The following MAP4K1 variants were observed in gnomAD, a reference collection of about 807,000 sequenced individuals.
MAP4K1 encodes the protein mitogen-activated protein kinase kinase kinase kinase 1.
In MAP4K1, 35 loss-of-function variants were observed where a neutral mutation model predicts 122.8. The observed-to-expected ratio is 0.29, with a 90% CI of 0.22 to 0.38. MAP4K1 has a LOEUF of 0.38. MAP4K1 is among the 10% of genes least tolerant of loss of function. MAP4K1 has a pLI of 1.00. For synonymous variants in MAP4K1, 412 were observed against 421.3 expected (o/e 0.98, Z 0.27); for missense variants, 791 against 1,072.6 (o/e 0.74, Z 3.67).
At chr19:38,590,417 ATATATATATATATATATAT>A (rs1974691294) in intron 30 of MAP4K1, among the ~76,000 whole-genome samples, 3 of 98,568 alleles carry the variant, frequency 3.0e-5, no homozygotes, top group African/African-American at 1.1e-4. Context: ...ATATATATAT[ATATATATATATATATATAT>A]AATCACGGGC....
intron 4 of MAP4K1, among the ~76,000 whole-genome samples, chr19:38,615,325 A>T (rs552936492): frequency 2.0e-5 from 3 of 152,042 alleles, no homozygotes; most frequent in Non-Finnish European, 4.4e-5. Flanking sequence ...AGAGAAATGG[A>T]AGCTGTAGGA....
At chr19:38,611,360 A>C in intron 9 of MAP4K1, 55 bp from the exon 10 acceptor site, 6 of 1,212,998 alleles carry the variant, frequency 4.9e-6, no homozygotes, top group Non-Finnish European at 7.4e-6. Flanking sequence ...GCCAGACCTC[A>C]TGGCTTGAGG....
Position 38,605,736 on chromosome 19 carries a change from G to A in MAP4K1, c.1201-6C>T. The A allele has an allele frequency of 1.2e-6, 2 of 1,603,754 alleles. No homozygotes were observed. The highest frequency in any genetic ancestry group is 2.7e-5 in the African/African-American group (2 of 74,316). ...GATGGAGAACGGAACTTGGGCTTTG[G>A]AGACGGGAATGGAGCGTGGGGAAAT... is the stretch of plus-strand genomic sequence containing the variant. On this transcript the variant is annotated splice_region_variant and splice_polypyrimidine_tract_variant and intron_variant, in intron 17 of 30. Transcript: ENST00000396857.
In MAP4K1 at chr19:38,604,789, CA is replaced by C. The variant is rs112047872; in HGVS notation, c.1446+619del. Among the ~76,000 whole-genome samples, 990 of 109,408 alleles carry C rather than the reference CA, an allele frequency of 9.0e-3. 1 individual carries two copies. Among genetic ancestry groups the C allele is most frequent in the African/African-American group, 0.02 (584 of 28,832 alleles). 71.8% of individuals were successfully genotyped at this position (109,408 alleles called of 152,430 possible). ...TGGGTGACACAGTGAGACTCTGTCT[CA>C]AAAAAAAAAAAGCATGCCAGACGCG... On this transcript the variant is annotated intron_variant, in intron 19 of 30. Transcript: ENST00000396857.
At chr19:38,608,606 G>T (rs1975399322) in intron 13 of MAP4K1, among the ~76,000 whole-genome samples, 1 of 151,796 alleles carries the variant, frequency 6.6e-6, no homozygotes, top group Non-Finnish European at 1.5e-5. Flanking sequence ...GATCAGCCTG[G>T]TCAACATGGT....
At chr19:38,606,684 C>T (rs1676823048) in intron 16 of MAP4K1, among the ~76,000 whole-genome samples, 1 of 151,706 alleles carries the variant, frequency 6.6e-6, no homozygotes, top group African/African-American at 2.4e-5. Context: ...TGGCAAGACC[C>T]CATCCTACAA....
chr19:38,602,938 A>G (rs1354499666), intron 19 of MAP4K1, among the ~76,000 whole-genome samples: 2 of 145,730 alleles, frequency 1.4e-5, no homozygotes, highest in Non-Finnish European at 3.0e-5. Flanking sequence ...ATACATATAT[A>G]CACATACATA....
At chr19:38,603,079 T>TAC (rs201954060) in intron 19 of MAP4K1, among the ~76,000 whole-genome samples, 6,042 of 101,006 alleles carry the variant, frequency 0.06, 1,361 homozygotes, top group East Asian at 0.16. Context: ...TATACATATA[T>TAC]ACACATGTAC....
intron 8 of MAP4K1, among the ~76,000 whole-genome samples, 180 bp from the exon 9 acceptor site, chr19:38,612,922 T>C (rs1975541456): frequency 6.6e-6 from 1 of 152,168 alleles, no homozygotes; most frequent in African/African-American, 2.4e-5. Flanking sequence ...CGGGGCGCGA[T>C]GGCTCACGCC....
rs777363311 is a variant in MAP4K1 at position 38,596,380 on chromosome 19, C to T, written c.2048G>A (p.Gly683Glu). 1 of 1,598,444 alleles carries T rather than the reference C, an allele frequency of 6.3e-7. No individual in the cohort carries two copies. The highest frequency in any genetic ancestry group is 1.1e-5 in the South Asian group (1 of 89,272). The change falls in exon 26 of 31, where the codon GGG (glycine) becomes GAG (glutamate). Residue 683 changes from glycine (G) to glutamate (E), a missense_variant. This residue lies in a region of MAP4K1 where 267 missense variants were observed against 323.0 expected (regional missense o/e 0.83). Coordinates refer to ENST00000396857, the MANE Select transcript of MAP4K1 (RefSeq NM_001042600.3). The part of the protein sequence containing the change: ...VCIGVSPGRP[G>E]KSVLFHTVRF... Reference sequence around the variant, plus strand: ...CACCGTGTGGAAGAGCACCGACTTCCCCGGCCGCCCGGGGCTCACGCCGAT... The same window carrying T: ...CACCGTGTGGAAGAGCACCGACTTCTCCGGCCGCCCGGGGCTCACGCCGAT...
chr19:38,605,529 C>A, intron 18 of MAP4K1, 38 bp from the exon 19 acceptor site: 1 of 1,533,940 alleles, frequency 6.5e-7, no homozygotes, highest in East Asian at 2.4e-5. Flanking sequence ...CCCAAGAACC[C>A]CCAACCCTCC....
chr19:38,615,960 A>G (rs1482816025), intron 4 of MAP4K1, among the ~76,000 whole-genome samples: 7 of 149,256 alleles, frequency 4.7e-5, no homozygotes, highest in Admixed American at 2.7e-4. Context: ...CACCAGGCCC[A>G]GCAGTTATAT....
Position 38,608,799 on chromosome 19 carries a change from C to CAAAAAAA in MAP4K1, c.1007-636_1007-630dup, listed in dbSNP as rs1031744033. On this transcript the variant is annotated intron_variant, in intron 13 of 30. Transcript: ENST00000396857. Reference sequence around the variant, plus strand: ...TGGGCGACAGAGTGAAACTCCGTCTCAAAAAAAAAAAAAAAAAAAAAAAAA... The same window carrying CAAAAAAA: ...TGGGCGACAGAGTGAAACTCCGTCTCAAAAAAAAAAAAAAAAAAAAAAAAAAAAAAAA... Among the ~76,000 whole-genome samples the CAAAAAAA allele has an allele frequency of 9.4e-4, 9 of 9,558 alleles. 1 individual carries two copies. Among genetic ancestry groups the CAAAAAAA allele is most frequent in the Admixed American group, 2.5e-3 (2 of 816 alleles). The allele number at this position is 9,558 out of a possible 152,430, so 6.3% of individuals were successfully genotyped here.
chr19:38,593,836 G>T (rs1441773813), intron 29 of MAP4K1, among the ~76,000 whole-genome samples: 1 of 152,056 alleles, frequency 6.6e-6, no homozygotes, highest in Non-Finnish European at 1.5e-5. Flanking sequence ...AGCCAAGATT[G>T]TGCCACTAAC....
At chr19:38,603,845 G>A (rs1264164147) in intron 19 of MAP4K1, among the ~76,000 whole-genome samples, 3 of 152,120 alleles carry the variant, frequency 2.0e-5, no homozygotes, top group South Asian at 2.1e-4. Flanking sequence ...TTAGCTGGGC[G>A]TGGTGGTGGG....
At chr19:38,596,979 C>T (rs1974908585) in intron 25 of MAP4K1, 55 bp downstream of exon 25, 1 of 1,519,240 alleles carries the variant, frequency 6.6e-7, no homozygotes, top group Non-Finnish European at 9.1e-7. Context: ...GCAAAGGGTG[C>T]AAGGCCTTAG....
chr19:38,608,078 C>T (rs374334528), intron 14 of MAP4K1, 34 bp downstream of exon 14: 484 of 1,562,810 alleles, frequency 3.1e-4, no homozygotes, highest in Non-Finnish European at 4.0e-4. Flanking sequence ...GGGAAGCAGG[C>T]GGTGTGGTGG....
intron 25 of MAP4K1, 134 bp downstream of exon 25, chr19:38,596,898 TGG>T: frequency 1.3e-6 from 1 of 799,312 alleles, no homozygotes. Context: ...AGACCGCAGG[TGG>T]GCGGGGCCTC....
chr19:38,605,350 C>G, intron 19 of MAP4K1, 59 bp downstream of exon 19: 1 of 1,312,768 alleles, frequency 7.6e-7, no homozygotes, highest in South Asian at 1.3e-5. Flanking sequence ...CCTCCCCACC[C>G]CACCAGGCAT....
Sources: gnomAD v4.1 joint callset for allele counts (sites outside exome capture counted in the v4.1 genomes callset) on GRCh38, gnomAD v4.1.1 for gene constraint, gnomAD v4.1.1 regional missense constraint, MANE v1.5 for transcripts, NCBI Gene and HGNC (gene_info 2026-07-23, HGNC 2026-07-21) for gene names.